CFI: variants seen among roughly 807,000 people sequenced by gnomAD.
CFI encodes complement factor I.
CFI carries 66 observed loss-of-function variants against 78.8 expected under a neutral mutation model. The observed-to-expected ratio is 0.84, with a 90% confidence interval of 0.69 to 1.03. The LOEUF (loss-of-function observed/expected upper bound fraction) is 1.03, where lower values mean the gene tolerates loss of function less well. CFI is among the 50% of genes least tolerant of loss of function. The probability of loss-of-function intolerance (pLI) is 0.00; values close to 1 mark genes in which losing one functional copy is unlikely to be tolerated. For synonymous variants in CFI, 250 were observed against 232.6 expected, an observed-to-expected ratio of 1.07 and a Z score of -0.68; for missense variants, 706 against 704.5, an observed-to-expected ratio of 1.00 and a Z score of -0.02.
At chr4:109,747,168 T>C (rs1247370030) in intron 10 of CFI, among the ~76,000 whole-genome samples, 2 of 152,144 alleles carry the variant, frequency 1.3e-5, no homozygotes, top group Non-Finnish European at 2.9e-5. Flanking sequence ...CATTTTCATA[T>C]CAAGTTTCTT....
At chr4:109,759,222 C>A (rs9647472) in intron 6 of CFI, among the ~76,000 whole-genome samples, 147,467 of 152,036 alleles carry the variant, frequency 0.97, 71,676 homozygotes, top group East Asian at 1. Context: ...CTAGAATAGA[C>A]GTATACTATA....
At position 109,764,566 on chromosome 4, in the gene CFI, G is replaced by A. The variant is rs745897189; in HGVS notation, c.453C>T (p.Asn151=). The change falls in exon 3 of 13, where the codon AAC becomes AAT. Residue 151 remains asparagine (N), a synonymous_variant. Coordinates refer to ENST00000394634, the MANE Select transcript of CFI (RefSeq NM_000204.5). ...GAAACCCAAGGTCAAGGCAGGCCAC[G>A]TTGGCTTCCCTCATGCTCCAGCTGC... is the stretch of plus-strand genomic sequence containing the variant. ...CKSSWSMREA[N]VACLDLGFQQ... 12 of 1,613,960 alleles carry A rather than the reference G, an allele frequency of 7.4e-6. No individual in the cohort carries two copies. The highest frequency in any genetic ancestry group is 4.5e-5 in the East Asian group (2 of 44,888).
intron 7 of CFI, among the ~76,000 whole-genome samples, chr4:109,756,162 G>A (rs1412409341): frequency 1.3e-5 from 2 of 152,074 alleles, no homozygotes; most frequent in Non-Finnish European, 1.5e-5. Flanking sequence ...GAAGAGGAAT[G>A]GGAGTAAGGT....
intron 8 of CFI, among the ~76,000 whole-genome samples, 179 bp from the exon 9 acceptor site, chr4:109,749,781 GGC>G: frequency 6.6e-6 from 1 of 152,114 alleles, no homozygotes; most frequent in South Asian, 2.1e-4. Context: ...TAAAAATTCT[GGC>G]TTGATATTAA....
intron 1 of CFI, among the ~76,000 whole-genome samples, chr4:109,767,129 T>A (rs571316991): frequency 2.6e-5 from 4 of 152,254 alleles, no homozygotes; most frequent in African/African-American, 9.6e-5. Context: ...CAGAAATTAA[T>A]TCAAGATGGA....
At chr4:109,759,048 G>A (rs1315259931) in intron 6 of CFI, among the ~76,000 whole-genome samples, 1 of 152,130 alleles carries the variant, frequency 6.6e-6, no homozygotes, top group African/African-American at 2.4e-5. Flanking sequence ...AGCCTACATT[G>A]TGCCACTGCA....
Position 109,740,982 on chromosome 4 carries a change from A to G in CFI, c.1663T>C (p.Phe555Leu). Residue 555 changes from phenylalanine (F) to leucine (L), a missense_variant, in exon 13 of 13, where the codon TTC becomes CTC. Transcript: ENST00000394634. ...SWGENCGKPE[F>L]PGVYTKVANY... ...GCCACTTTGGTGTAAACACCTGGGA[A>G]CTCTGGTTTTCCACAGTTTTCCCCC... 3.7e-6 allele frequency: 6 copies of G among 1,614,136 alleles called. No homozygotes were observed. The highest frequency in any genetic ancestry group is 5.1e-6 in the Non-Finnish European group (6 of 1,179,996).
Position 109,766,593 on chromosome 4 carries a change from C to T in CFI, c.289G>A (p.Gly97Arg). ...GTTCCGTTATTTAAAAACTTTGTCCCTGGATGAAGACATTCCAAACTCTTT... is the reference window on the plus strand; with the variant it reads ...GTTCCGTTATTTAAAAACTTTGTCCTTGGATGAAGACATTCCAAACTCTTT... ...QQKSLECLHP[G>R]TKFLNNGTCT... is the part of the protein sequence containing the mutation. The change falls in exon 2 of 13, where the codon GGG (glycine) becomes AGG (arginine). Residue 97 changes from glycine to arginine, a missense_variant. Transcript: ENST00000394634. 6.2e-7 allele frequency: 1 copy of T among 1,614,208 alleles called. No individual in the cohort carries two copies. Among genetic ancestry groups the T allele is most frequent in the Non-Finnish European group, 8.5e-7 (1 of 1,180,028 alleles).
At chr4:109,762,324 T>C (rs1395069509) in intron 3 of CFI, 1 of 152,532 alleles carries the variant, frequency 6.6e-6, no homozygotes, top group Non-Finnish European at 1.5e-5. Context: ...TTCCTGTAGG[T>C]CAATTTTGCT....
chr4:109,790,416 T>A (rs767885478), intron 1 of CFI, among the ~76,000 whole-genome samples: 7 of 152,168 alleles, frequency 4.6e-5, no homozygotes, highest in Admixed American at 1.3e-4. Flanking sequence ...CAATTTGAGA[T>A]CTTTACTCTT....
At chr4:109,779,699 A>G (rs147856299) in intron 1 of CFI, among the ~76,000 whole-genome samples, 1,912 of 152,280 alleles carry the variant, frequency 0.013, 24 homozygotes, top group African/African-American at 0.039. Flanking sequence ...CAAAAGAAGA[A>G]AGCTGGAGGC....
intron 9 of CFI, 53 bp from the exon 10 acceptor site, chr4:109,749,374 C>T: frequency 6.5e-7 from 1 of 1,536,852 alleles, no homozygotes; most frequent in Non-Finnish European, 9.0e-7. Context: ...GCGATACAAA[C>T]AGCCCTAAGA....
intron 1 of CFI, among the ~76,000 whole-genome samples, chr4:109,784,084 G>C (rs147134656): frequency 6.6e-6 from 1 of 151,682 alleles, no homozygotes; most frequent in Admixed American, 6.6e-5. Flanking sequence ...ATGGTGCAGT[G>C]TATACTGCTC....
chr4:109,798,520 T>TTTA lies in CFI; in HGVS notation c.57+3394_57+3395insTAA, dbSNP rs1553919320. Among the ~76,000 whole-genome samples, 913 of 151,014 alleles carry TTTA rather than the reference T, an allele frequency of 6.0e-3. 4 individuals are homozygous for TTTA. Among genetic ancestry groups the TTTA allele is most frequent in the Non-Finnish European group, 9.4e-3 (640 of 67,746 alleles). ...AACTCAATAAAGTGTTTTTTTTTTT[T>TTTA]AAAAAGACCATTAAGTCTTTGTTTA... On this transcript the variant is annotated intron_variant, in intron 1 of 12. Transcript: ENST00000394634.
At chr4:109,746,979 G>T (rs189880020) in intron 10 of CFI, among the ~76,000 whole-genome samples, 42 of 152,250 alleles carry the variant, frequency 2.8e-4, no homozygotes, top group African/African-American at 9.9e-4. Context: ...ACATTGCATT[G>T]TATTTATTTG....
At chr4:109,770,904 C>T (rs1728502771) in intron 1 of CFI, among the ~76,000 whole-genome samples, 1 of 152,104 alleles carries the variant, frequency 6.6e-6, no homozygotes, top group Non-Finnish European at 1.5e-5. Context: ...GAAGGAGTGG[C>T]TAACAAACAG....
At chr4:109,782,239 C>G (rs1200240489) in intron 1 of CFI, among the ~76,000 whole-genome samples, 1 of 152,048 alleles carries the variant, frequency 6.6e-6, no homozygotes, top group African/African-American at 2.4e-5. Context: ...CAAATGGTCA[C>G]TTTTTGCTGA....
At chr4:109,769,713 C>T (rs1175752723) in intron 1 of CFI, among the ~76,000 whole-genome samples, 1 of 152,212 alleles carries the variant, frequency 6.6e-6, no homozygotes, top group Non-Finnish European at 1.5e-5. Flanking sequence ...TCCAACAGTA[C>T]TAGCCCGTTT....
At chr4:109,773,628 C>T (rs1235890815) in intron 1 of CFI, among the ~76,000 whole-genome samples, 1 of 152,102 alleles carries the variant, frequency 6.6e-6, no homozygotes, top group Non-Finnish European at 1.5e-5. Flanking sequence ...TTCAAACCCT[C>T]GAGAACTACT....
Sources: allele counts gnomAD v4.1 joint callset (sites outside exome capture counted in the v4.1 genomes callset), GRCh38; gene constraint gnomAD v4.1.1; transcripts MANE v1.5; gene names NCBI Gene and HGNC (gene_info 2026-07-23, HGNC 2026-07-21).